PCBD2: variants seen among roughly 807,000 people sequenced by gnomAD.
PCBD2 encodes pterin-4 alpha-carbinolamine dehydratase 2, also known as pterin-4-alpha-carbinolamine dehydratase 2.
In PCBD2, 12 loss-of-function variants were observed where a neutral mutation model predicts 16.4. That is an observed-to-expected ratio of 0.73 (90% CI 0.47 to 1.19). PCBD2 has a LOEUF of 1.19. Ranked by LOEUF, PCBD2 falls within the 50% of genes most tolerant of loss-of-function variation. PCBD2 has a pLI of 0.00. For missense variants in PCBD2, 138 were observed against 156.8 expected, an observed-to-expected ratio of 0.88 and a Z score of 0.64; for synonymous variants, 58 against 61.8, an observed-to-expected ratio of 0.94 and a Z score of 0.29.
chr5:134,918,784 T>C (rs1006883144), intron 2 of PCBD2, among the ~76,000 whole-genome samples: 3 of 152,190 alleles, frequency 2.0e-5, no homozygotes, highest in Admixed American at 1.3e-4. Flanking sequence ...TTCATGTTGG[T>C]GTTCCCTTTG....
chr5:134,957,899 A>G (rs1019233915), intron 2 of PCBD2, among the ~76,000 whole-genome samples: 1 of 152,234 alleles, frequency 6.6e-6, no homozygotes. Flanking sequence ...TTTATCCCAA[A>G]TAAAATTGGC....
intron 2 of PCBD2, among the ~76,000 whole-genome samples, chr5:134,938,353 C>G (rs1401818954): frequency 2.6e-5 from 4 of 152,186 alleles, no homozygotes; most frequent in African/African-American, 9.7e-5. Context: ...CATTTTCTCA[C>G]TAAGGAACAG....
chr5:134,935,255 G>T (rs1751145309), intron 2 of PCBD2, among the ~76,000 whole-genome samples: 1 of 152,208 alleles, frequency 6.6e-6, no homozygotes, highest in Non-Finnish European at 1.5e-5. Flanking sequence ...AAATGTAACT[G>T]TTGACTCTGC....
chr5:134,948,877 G>A (rs1469435561), intron 2 of PCBD2, among the ~76,000 whole-genome samples: 1 of 152,132 alleles, frequency 6.6e-6, no homozygotes, highest in Non-Finnish European at 1.5e-5. Context: ...GACTCATTTC[G>A]TCTGGGGCCT....
intron 2 of PCBD2, among the ~76,000 whole-genome samples, chr5:134,914,334 G>A (rs1750802014): frequency 6.6e-6 from 1 of 152,240 alleles, no homozygotes; most frequent in Admixed American, 6.5e-5. Context: ...GAGTGGAATA[G>A]TCATTTTGGA....
intron 2 of PCBD2, among the ~76,000 whole-genome samples, chr5:134,946,258 C>T (rs1177792771): frequency 6.6e-6 from 1 of 152,034 alleles, no homozygotes; most frequent in African/African-American, 2.4e-5. Context: ...AGCTCGATGT[C>T]TGAAGATTCT....
chr5:134,917,406 G>A (rs1275259235), intron 2 of PCBD2, among the ~76,000 whole-genome samples: 3 of 152,230 alleles, frequency 2.0e-5, no homozygotes, highest in Non-Finnish European at 4.4e-5. Flanking sequence ...ACAGGTAAGC[G>A]GCAGTGGCTG....
intron 2 of PCBD2, among the ~76,000 whole-genome samples, chr5:134,915,944 A>T (rs1215104134): frequency 6.6e-6 from 1 of 152,022 alleles, no homozygotes; most frequent in Admixed American, 6.5e-5. Flanking sequence ...AGAACTAAAG[A>T]CACCCTCTCC....
In PCBD2 at chr5:134,910,535, T is replaced by C. The variant is rs1439426526; in HGVS notation, c.216+69T>C. ...CACCTTAGGCCATAACACTTTCTGA[T>C]TCTGCCAGTTGTCTGGTCCCATGTA... On this transcript the variant is annotated intron_variant, in intron 2 of 3. Coordinates refer to ENST00000254908, the MANE Select transcript of PCBD2 (RefSeq NM_032151.5). 3.9e-6 allele frequency: 6 copies of C among 1,531,552 alleles called. No homozygotes were observed. The East Asian group carries it at 9.1e-5, about 23-fold the overall frequency. The allele number at this position is 1,531,552 out of a possible 1,614,324, so 94.9% of individuals were successfully genotyped here. A position where few individuals can be genotyped will look rare whatever the true frequency, so the allele number is the denominator to read the frequency against.
chr5:134,954,410 TCTGTAA>T (rs1161132875), intron 2 of PCBD2, among the ~76,000 whole-genome samples: 2 of 152,228 alleles, frequency 1.3e-5, no homozygotes, highest in African/African-American at 4.8e-5. Context: ...TGCATTCCAT[TCTGTAA>T]CTGTAATTCC....
chr5:134,928,426 G>T (rs78565484), intron 2 of PCBD2: 1 of 350,860 alleles, frequency 2.9e-6, no homozygotes, highest in African/African-American at 2.1e-5. Context: ...ATAATCATTC[G>T]TAGGCCAGAC....
intron 2 of PCBD2, among the ~76,000 whole-genome samples, chr5:134,949,508 C>G (rs958735537): frequency 6.6e-6 from 1 of 152,108 alleles, no homozygotes; most frequent in Non-Finnish European, 1.5e-5. Context: ...GGTCATATAG[C>G]TAGTGAATAG....
chr5:134,947,237 C>T (rs1414160134), intron 2 of PCBD2, among the ~76,000 whole-genome samples: 2 of 150,862 alleles, frequency 1.3e-5, no homozygotes, highest in African/African-American at 2.4e-5. Flanking sequence ...GGATTACAGG[C>T]ATGTGCCACC....
At chr5:134,930,936 G>A (rs1476622085) in intron 2 of PCBD2, among the ~76,000 whole-genome samples, 1 of 151,612 alleles carries the variant, frequency 6.6e-6, no homozygotes, top group African/African-American at 2.4e-5. Context: ...TTTGTTTTTT[G>A]AGACAGAGTC....
chr5:134,937,244 A>G (rs1751170764), intron 2 of PCBD2, among the ~76,000 whole-genome samples: 1 of 152,228 alleles, frequency 6.6e-6, no homozygotes, highest in South Asian at 2.1e-4. Flanking sequence ...AATTTTGGCT[A>G]TTATAATAAT....
intron 3 of PCBD2, 110 bp from the exon 4 acceptor site, chr5:134,960,476 C>T: frequency 4.0e-6 from 3 of 744,294 alleles, no homozygotes; most frequent in South Asian, 3.8e-5. Context: ...ATTTAATCCC[C>T]CTAATTCTCA....
At chr5:134,915,538 C>G (rs1024671560) in intron 2 of PCBD2, among the ~76,000 whole-genome samples, 6 of 149,460 alleles carry the variant, frequency 4.0e-5, no homozygotes, top group African/African-American at 1.5e-4. Flanking sequence ...CCTTGAACTC[C>G]CTGGGCTCAG....
intron 2 of PCBD2, among the ~76,000 whole-genome samples, chr5:134,950,019 C>T (rs549353764): frequency 6.6e-6 from 1 of 152,302 alleles, no homozygotes; most frequent in South Asian, 2.1e-4. Flanking sequence ...AATTGCTGAT[C>T]ATGTTTCAAG....
chr5:134,915,717 T>C (rs571715869), intron 2 of PCBD2, among the ~76,000 whole-genome samples: 31 of 152,128 alleles, frequency 2.0e-4, no homozygotes, highest in African/African-American at 6.3e-4. Flanking sequence ...TCTCAAAGTA[T>C]TGGGGTTATA....
Sources: gnomAD v4.1 joint callset for allele counts (sites outside exome capture counted in the v4.1 genomes callset) on GRCh38, gnomAD v4.1.1 for gene constraint, MANE v1.5 for transcripts, NCBI Gene and HGNC (gene_info 2026-07-23, HGNC 2026-07-21) for gene names.